The following TLN2 variants were observed in gnomAD, a reference collection of about 807,000 sequenced individuals.
TLN2 encodes the protein talin 2.
Under a neutral mutation model 294.7 loss-of-function variants are expected in TLN2, and 118 were observed. That is an observed-to-expected ratio of 0.40 (90% CI 0.34 to 0.47). TLN2 has a LOEUF of 0.47. TLN2 is among the 20% of genes least tolerant of loss of function. The probability of loss-of-function intolerance (pLI) is 0.84; values close to 1 mark genes in which losing one functional copy is unlikely to be tolerated. For missense variants in TLN2, 3,083 were observed against 3,282.2 expected (o/e 0.94, Z 1.48); for synonymous variants, 1,431 against 1,304.5 (o/e 1.10, Z -2.09).
chr15:62,671,899 A>G (rs543655358), intron 9 of TLN2, among the ~76,000 whole-genome samples: 3 of 152,136 alleles, frequency 2.0e-5, no homozygotes, highest in African/African-American at 7.2e-5. Flanking sequence ...GCTCAATTAA[A>G]TTCAGTTTCA....
In TLN2 at chr15:62,763,583, G is replaced by A. The variant is rs937712361; in HGVS notation, c.4982G>A (p.Arg1661Lys). 6 of 1,613,160 alleles carry A rather than the reference G, an allele frequency of 3.7e-6. No homozygotes were observed. Among genetic ancestry groups the A allele is most frequent in the Admixed American group, 1.7e-5 (1 of 60,020 alleles). Residue 1661 changes from arginine (R) to lysine (K), a missense_variant, in exon 40 of 59, where the codon AGG becomes AAG. Physicochemically the swap from Arg to Lys is conservative, Grantham distance 26. Coordinates refer to ENST00000636159, the MANE Select transcript of TLN2 (RefSeq NM_015059.3). Reference protein sequence around the residue: ...TSIRDKAPGQRECDYSIDGIN... With the variant: ...TSIRDKAPGQKECDYSIDGIN... ...TCCAGGGACAAGGCCCCTGGACAGA[G>A]GGAGTGTGATTACTCCATCGATGGC...
intron 1 of TLN2, among the ~76,000 whole-genome samples, chr15:62,523,787 A>G (rs1275885616): frequency 6.6e-6 from 1 of 152,250 alleles, no homozygotes; most frequent in Non-Finnish European, 1.5e-5. Flanking sequence ...AATGTTAAAG[A>G]GGCAGTGTTG....
chr15:62,656,341 C>G (rs2053209944), intron 8 of TLN2, among the ~76,000 whole-genome samples: 1 of 152,206 alleles, frequency 6.6e-6, no homozygotes, highest in Admixed American at 6.5e-5. Context: ...CTGTGTCCCT[C>G]TCTGCCGGGC....
chr15:62,647,149 T>C (rs2051970531), intron 3 of TLN2, 126 bp from the exon 4 acceptor site: 3 of 932,370 alleles, frequency 3.2e-6, no homozygotes, highest in Non-Finnish European at 3.1e-6. Flanking sequence ...GTGTACTCTT[T>C]ATTTGCTGTT....
intron 11 of TLN2, among the ~76,000 whole-genome samples, chr15:62,685,435 G>A (rs1233773595): frequency 6.6e-6 from 1 of 152,072 alleles, no homozygotes; most frequent in Non-Finnish European, 1.5e-5. Flanking sequence ...GATGTACTGT[G>A]GTTGAGCTTC....
At chr15:62,408,860 T>C (rs900817428) in intron 1 of TLN2, among the ~76,000 whole-genome samples, 8 of 152,154 alleles carry the variant, frequency 5.3e-5, no homozygotes, top group Non-Finnish European at 1.2e-4. Context: ...AGGTCTTGCT[T>C]TGTTGCCCAG....
chr15:62,482,492 C>T (rs2038155574), intron 1 of TLN2, among the ~76,000 whole-genome samples: 1 of 150,664 alleles, frequency 6.6e-6, no homozygotes, highest in Non-Finnish European at 1.5e-5. Context: ...ATCCCAGCTA[C>T]TCAGGAGGGG....
At chr15:62,525,191 G>T (rs1321244969) in intron 1 of TLN2, among the ~76,000 whole-genome samples, 1 of 152,180 alleles carries the variant, frequency 6.6e-6, no homozygotes, top group African/African-American at 2.4e-5. Flanking sequence ...TGTGTGCATT[G>T]TCTCTCACAT....
At chr15:62,514,717 T>C (rs2140459019) in intron 1 of TLN2, among the ~76,000 whole-genome samples, 1 of 152,340 alleles carries the variant, frequency 6.6e-6, no homozygotes, top group East Asian at 1.9e-4. Context: ...TCGAGAGTGG[T>C]AAATTGCATT....
intron 1 of TLN2, among the ~76,000 whole-genome samples, chr15:62,577,897 T>G (rs201775750): frequency 6.6e-6 from 1 of 152,144 alleles, no homozygotes; most frequent in Non-Finnish European, 1.5e-5. Context: ...CCTGTGTCCA[T>G]GTGTTCTCAT....
chr15:62,464,543 G>A (rs1325566779), intron 1 of TLN2, among the ~76,000 whole-genome samples: 1 of 151,502 alleles, frequency 6.6e-6, no homozygotes, highest in East Asian at 1.9e-4. Context: ...TGCAGATTGT[G>A]CACATGTACC....
intron 9 of TLN2, 21 bp from the exon 10 acceptor site, chr15:62,673,806 T>A: frequency 6.2e-7 from 1 of 1,604,912 alleles, no homozygotes; most frequent in Non-Finnish European, 8.5e-7. Context: ...TGCCTTTCCT[T>A]TTTAAATGTC....
intron 28 of TLN2, among the ~76,000 whole-genome samples, chr15:62,731,361 G>T: frequency 6.6e-6 from 1 of 150,448 alleles, no homozygotes. Flanking sequence ...CTTTAAGACT[G>T]AACATTGCTG....
At chr15:62,777,154 T>C (rs1326451803) in intron 43 of TLN2, among the ~76,000 whole-genome samples, 1 of 152,176 alleles carries the variant, frequency 6.6e-6, no homozygotes, top group Non-Finnish European at 1.5e-5. Flanking sequence ...GGAAAAGATA[T>C]CATAGGTTTC....
chr15:62,641,870 A>G (rs1460431905), intron 3 of TLN2, among the ~76,000 whole-genome samples: 1 of 152,204 alleles, frequency 6.6e-6, no homozygotes, highest in Non-Finnish European at 1.5e-5. Context: ...AAGGCTGCTC[A>G]TCTTGACCAA....
chr15:62,419,209 A>G (rs1225441545), intron 1 of TLN2, among the ~76,000 whole-genome samples: 2 of 152,252 alleles, frequency 1.3e-5, no homozygotes, highest in African/African-American at 4.8e-5. Flanking sequence ...TGAAATGATA[A>G]TATTTTAGAT....
intron 1 of TLN2, among the ~76,000 whole-genome samples, chr15:62,411,429 ATG>A (rs71125998): frequency 0.079 from 10,753 of 136,542 alleles, 405 homozygotes; most frequent in South Asian, 0.09. Context: ...TGAGTAATGG[ATG>A]TGTGTGTGTG....
chr15:62,414,847 C>T (rs2033985678), intron 1 of TLN2, among the ~76,000 whole-genome samples: 1 of 141,156 alleles, frequency 7.1e-6, no homozygotes, highest in Admixed American at 7.7e-5. Flanking sequence ...CTGGTTGTGA[C>T]CCAAGGAGGA....
At position 62,602,405 on chromosome 15, in the gene TLN2, G is replaced by T. The variant is rs553059572; in HGVS notation, c.-162+12643G>T. The stretch of plus-strand genomic sequence containing the variant: ...ATTGGATACATAGTTAAGTTCATTG[G>T]TTTTTATTTTATGTTTTTAGAGGTT... On this transcript the variant is annotated intron_variant, in intron 2 of 58. Coordinates refer to ENST00000636159, the MANE Select transcript of TLN2 (RefSeq NM_015059.3). 8.5e-5 allele frequency among the ~76,000 whole-genome samples: 13 copies of T among 152,236 alleles called. No homozygotes were observed. In the East Asian group the frequency reaches 2.5e-3, roughly 29 times the overall value.
Sources: allele counts gnomAD v4.1 joint callset (sites outside exome capture counted in the v4.1 genomes callset), GRCh38; gene constraint gnomAD v4.1.1; transcripts MANE v1.5; gene names NCBI Gene and HGNC (gene_info 2026-07-23, HGNC 2026-07-21).